KAZN: variants seen among roughly 807,000 people sequenced by gnomAD.
KAZN encodes the protein kazrin.
A neutral mutation model predicts 87.4 loss-of-function variants in KAZN; 40 were observed. That is an observed-to-expected ratio of 0.46 (90% CI 0.36 to 0.60). The LOEUF (loss-of-function observed/expected upper bound fraction) is 0.60, where lower values mean the gene tolerates loss of function less well. Among genes scored for constraint, KAZN ranks in the 20% least tolerant of loss-of-function variants. The probability of loss-of-function intolerance (pLI) is 0.00; values close to 1 mark genes in which losing one functional copy is unlikely to be tolerated. For synonymous variants in KAZN, 466 were observed against 458.3 expected (o/e 1.02, Z -0.22); for missense variants, 898 against 1,073.9 (o/e 0.84, Z 2.29).
At chr1:13,943,177 T>G (rs1641003025) in intron 1 of KAZN, among the ~76,000 whole-genome samples, 1 of 151,986 alleles carries the variant, frequency 6.6e-6, no homozygotes, top group South Asian at 2.1e-4. Flanking sequence ...ATCACAAAAC[T>G]TATGAAAATG....
rs576738289 is a variant in KAZN at position 14,334,936 on chromosome 1, G to C, written c.249+154344G>C. Among the ~76,000 whole-genome samples the C allele has an allele frequency of 3.0e-3, 457 of 152,278 alleles. 1 individual carries two copies. The highest frequency in any genetic ancestry group is 0.01 in the African/African-American group (429 of 41,558). On this transcript the variant is annotated intron_variant, in intron 2 of 16. Transcript: ENST00000636203. The stretch of plus-strand genomic sequence containing the variant: ...AAATAGAGAGGAAGACACAGAAATA[G>C]ACACAGAGACAGAGAGTGAGAGAGT...
intron 1 of KAZN, among the ~76,000 whole-genome samples, chr1:14,075,560 C>T (rs147817097): frequency 5.0e-4 from 76 of 152,200 alleles, no homozygotes; most frequent in Middle Eastern, 6.8e-3. Context: ...CATTTTGTTA[C>T]TTTAAAATAA....
chr1:14,473,485 G>A lies in KAZN; in HGVS notation c.250-125498G>A, dbSNP rs1668558885. ...CTACGAAAAATACAAAAATTAGCTG[G>A]GCATGGTGGCATATGCCTGTAGTTC... On this transcript the variant is annotated intron_variant, in intron 2 of 16. Transcript: ENST00000636203. Among the ~76,000 whole-genome samples, 4 of 152,078 alleles carry A rather than the reference G, an allele frequency of 2.6e-5. No individual in the cohort carries two copies. The South Asian group carries it at 8.3e-4, about 32-fold the overall frequency.
intron 1 of KAZN, among the ~76,000 whole-genome samples, chr1:14,622,664 A>T (rs906426022): frequency 2.8e-4 from 42 of 149,802 alleles, no homozygotes; most frequent in Middle Eastern, 3.2e-3. Context: ...CACTCCAGCC[A>T]GGGTGACAGA....
chr1:15,104,069 T>C lies in KAZN; in HGVS notation c.1928T>C (p.Leu643Pro). The C allele has an allele frequency of 6.2e-7, 1 of 1,613,724 alleles. No homozygotes were observed. The highest frequency in any genetic ancestry group is 8.5e-7 in the Non-Finnish European group (1 of 1,179,824). ...AACAGCGGCGTCCATGGTGCTGTGC[T>C]GGTGCTGGAGCCCACATTCAATGCC... ...LTNSGVHGAV[L>P]VLEPTFNAEA... The change falls in exon 13 of 15, where the codon CTG becomes CCG. Residue 643 changes from leucine (L) to proline (P), a missense_variant. Physicochemically the swap from Leu to Pro is moderately conservative, Grantham distance 98 (BLOSUM62 -3). This residue lies in a region of KAZN where 521 missense variants were observed against 689.4 expected (regional missense o/e 0.76). Transcript: ENST00000376030.
intron 1 of KAZN, among the ~76,000 whole-genome samples, chr1:14,094,884 G>A (rs1164068898): frequency 6.6e-6 from 1 of 152,194 alleles, no homozygotes; most frequent in African/African-American, 2.4e-5. Flanking sequence ...GTTTCCTGCT[G>A]TGTTGGAGCA....
intron 1 of KAZN, among the ~76,000 whole-genome samples, chr1:14,819,704 ATC>A (rs1646680133): frequency 3.1e-5 from 4 of 128,298 alleles, no homozygotes; most frequent in Admixed American, 7.8e-5. Flanking sequence ...TTGAAAAAAA[ATC>A]TTTTTTTTTT....
intron 1 of KAZN, among the ~76,000 whole-genome samples, chr1:14,790,436 T>C (rs1418456564): frequency 6.6e-6 from 1 of 152,188 alleles, no homozygotes; most frequent in Non-Finnish European, 1.5e-5. Flanking sequence ...TACCATAAGA[T>C]ATAATAATCC....
At chr1:14,336,826 T>A (rs1218873196) in intron 2 of KAZN, among the ~76,000 whole-genome samples, 2 of 152,236 alleles carry the variant, frequency 1.3e-5, no homozygotes, top group Non-Finnish European at 2.9e-5. Context: ...TATATTTTTT[T>A]ATATAATCTG....
chr1:14,566,570 G>A (rs893261363), intron 2 of KAZN, among the ~76,000 whole-genome samples: 1 of 152,150 alleles, frequency 6.6e-6, no homozygotes, highest in Admixed American at 6.5e-5. Context: ...ACCCACTTAT[G>A]AAAATCCTAG....
At chr1:14,480,903 T>C (rs1194578199) in intron 2 of KAZN, among the ~76,000 whole-genome samples, 6 of 147,376 alleles carry the variant, frequency 4.1e-5, no homozygotes, top group Non-Finnish European at 1.5e-5. Flanking sequence ...TGAAAGAAAA[T>C]ATATATTTTA....
At chr1:14,119,203 A>C (rs1327795799) in intron 1 of KAZN, among the ~76,000 whole-genome samples, 2 of 152,160 alleles carry the variant, frequency 1.3e-5, no homozygotes, top group African/African-American at 4.8e-5. Context: ...TCACGATGAG[A>C]AGACCAGGCA....
chr1:14,373,115 A>G (rs1660635147), intron 2 of KAZN, among the ~76,000 whole-genome samples: 1 of 152,044 alleles, frequency 6.6e-6, no homozygotes, highest in African/African-American at 2.4e-5. Flanking sequence ...GTAGTACTGA[A>G]CAAGGACTGT....
At chr1:14,587,356 A>C (rs1675913904) in intron 2 of KAZN, among the ~76,000 whole-genome samples, 1 of 151,798 alleles carries the variant, frequency 6.6e-6, no homozygotes, top group Non-Finnish European at 1.5e-5. Flanking sequence ...AAATTGCTTT[A>C]ACCCGGGAGG....
At chr1:14,519,156 A>T (rs1454418061) in intron 2 of KAZN, among the ~76,000 whole-genome samples, 2 of 152,192 alleles carry the variant, frequency 1.3e-5, no homozygotes, top group Admixed American at 1.3e-4. Context: ...TTAAAAAAAA[A>T]TTTAAATAAT....
chr1:13,929,432 G>A (rs1640422499), intron 1 of KAZN, among the ~76,000 whole-genome samples: 1 of 152,104 alleles, frequency 6.6e-6, no homozygotes, highest in Non-Finnish European at 1.5e-5. Context: ...AGGAAGAGAT[G>A]GATTGTCTGG....
intron 1 of KAZN, among the ~76,000 whole-genome samples, chr1:14,861,885 A>G (rs554744370): frequency 1.3e-5 from 2 of 152,202 alleles, no homozygotes; most frequent in Non-Finnish European, 2.9e-5. Context: ...CAGGGAACCA[A>G]CCAGAGGGAG....
chr1:13,986,601 G>A (rs1483616862), intron 1 of KAZN, among the ~76,000 whole-genome samples: 1 of 152,160 alleles, frequency 6.6e-6, no homozygotes, highest in Non-Finnish European at 1.5e-5. Context: ...ACTTGGTTGG[G>A]GGTATACATC....
At chr1:14,595,357 G>A (rs1035841001), upstream of KAZN, among the ~76,000 whole-genome samples, 14 of 152,074 alleles carry the variant, frequency 9.2e-5, no homozygotes, top group African/African-American at 3.1e-4. Context: ...CACCTCCGGA[G>A]GAGCGGTGGT....
Sources: gnomAD v4.1 joint callset for allele counts (sites outside exome capture counted in the v4.1 genomes callset) on GRCh38, gnomAD v4.1.1 for gene constraint, gnomAD v4.1.1 regional missense constraint, MANE v1.5 for transcripts, NCBI Gene and HGNC (gene_info 2026-07-23, HGNC 2026-07-21) for gene names.